MFSD11: variants seen among roughly 807,000 people sequenced by gnomAD.
MFSD11 encodes UNC93-like protein MFSD11.
A neutral mutation model predicts 53.5 loss-of-function variants in MFSD11; 36 were observed. The ratio of observed to expected loss-of-function variants is 0.67; its 90% CI spans 0.52 to 0.89. The LOEUF (loss-of-function observed/expected upper bound fraction) is 0.89, where lower values mean the gene tolerates loss of function less well. Ranked by LOEUF, MFSD11 falls within the 40% of genes least tolerant of loss-of-function variation. The pLI, the probability that MFSD11 is intolerant of heterozygous loss-of-function variation, is 0.00. For missense variants in MFSD11, 530 were observed against 543.9 expected, an observed-to-expected ratio of 0.97 and a Z score of 0.25; for synonymous variants, 186 against 184.9, an observed-to-expected ratio of 1.01 and a Z score of -0.05.
intron 5 of MFSD11, 136 bp from the exon 6 acceptor site, chr17:76,743,262 A>G: frequency 1.7e-6 from 1 of 577,852 alleles, no homozygotes; most frequent in Non-Finnish European, 2.9e-6. Flanking sequence ...TAAATGACCC[A>G]GGACAGGTAG....
intron 10 of MFSD11, among the ~76,000 whole-genome samples, chr17:76,771,367 G>A (rs914410053): frequency 1.3e-5 from 2 of 152,162 alleles, no homozygotes; most frequent in African/African-American, 2.4e-5. Context: ...TATGCTCCAC[G>A]AGTTATTCTT....
At position 76,776,282 on chromosome 17, in the gene MFSD11, CTTTA is replaced by C; in HGVS notation, c.1050-120_1050-117del. 1 of 1,041,548 alleles carries C rather than the reference CTTTA, an allele frequency of 9.6e-7. No homozygotes were observed. The highest frequency in any genetic ancestry group is 1.4e-6 in the Non-Finnish European group (1 of 730,326). 64.5% of individuals were successfully genotyped at this position (1,041,548 alleles called of 1,614,324 possible). ...GTGTGAGCCACCGCACCAGCTTTGT[CTTTA>C]TTTTTGTTTCATAGTGTTTACAACT... is the stretch of plus-strand genomic sequence containing the variant. On this transcript the variant is annotated intron_variant, in intron 11 of 12. Transcript: ENST00000685175. The surrounding 1 kb of genome is among the most constrained non-coding windows in gnomAD (Gnocchi z 4.2).
the MFSD11 span, among the ~76,000 whole-genome samples, chr17:76,788,502 A>G: frequency 6.7e-6 from 1 of 148,886 alleles, no homozygotes. Flanking sequence ...AGTAGCTGGG[A>G]TTACAGGTGC....
chr17:76,756,817 G>A lies in MFSD11; in HGVS notation c.682+2730G>A, dbSNP rs151077301. On this transcript the variant is annotated intron_variant, in intron 8 of 12. Coordinates refer to ENST00000685175, the MANE Select transcript of MFSD11 (RefSeq NM_001242532.5). ...GGAGGTTGCAGTGAGCCGAGATTGC[G>A]CCACTGCACTCCAGCCTGGGCGACA... Among the ~76,000 whole-genome samples the A allele has an allele frequency of 6.9e-3, 1,041 of 150,048 alleles. 13 individuals carry two copies. The highest frequency in any genetic ancestry group is 0.024 in the African/African-American group (989 of 40,700).
At chr17:76,759,863 C>T (rs1002825260) in intron 8 of MFSD11, among the ~76,000 whole-genome samples, 11 of 148,600 alleles carry the variant, frequency 7.4e-5, no homozygotes, top group Admixed American at 1.4e-4. Flanking sequence ...GATCCACCCA[C>T]CCGGCCTCCC....
At chr17:76,756,295 G>T (rs1047306105) in intron 8 of MFSD11, among the ~76,000 whole-genome samples, 1 of 149,254 alleles carries the variant, frequency 6.7e-6, no homozygotes, top group African/African-American at 2.5e-5. Flanking sequence ...GCTAATTTTT[G>T]CATTTTTTAG....
chr17:76,759,382 A>C (rs2079972362), intron 8 of MFSD11, among the ~76,000 whole-genome samples: 2 of 151,956 alleles, frequency 1.3e-5, no homozygotes. Flanking sequence ...TCCTGGGTTC[A>C]AGTGATTCTC....
At chr17:76,759,873 CA>C (rs2144612325) in intron 8 of MFSD11, among the ~76,000 whole-genome samples, 1 of 149,258 alleles carries the variant, frequency 6.7e-6, no homozygotes, top group East Asian at 2.0e-4. Context: ...CCCGGCCTCC[CA>C]AAGTGCTGGG....
At chr17:76,742,565 C>T (rs938119889) in intron 5 of MFSD11, among the ~76,000 whole-genome samples, 4 of 151,668 alleles carry the variant, frequency 2.6e-5, no homozygotes, top group Admixed American at 1.3e-4. Context: ...TGCAATGGCA[C>T]GATCTCGGCT....
At chr17:76,793,308 T>C in the MFSD11 span, among the ~76,000 whole-genome samples, 1,900 of 151,526 alleles carry the variant, frequency 0.013, 91 homozygotes, top group Admixed American at 0.065. Context: ...TTTAGAGGCC[T>C]ACCCTCAGGG....
intron 7 of MFSD11, among the ~76,000 whole-genome samples, chr17:76,748,267 T>G (rs1457547492): frequency 6.6e-6 from 1 of 151,996 alleles, no homozygotes; most frequent in Non-Finnish European, 1.5e-5. Flanking sequence ...TAAGCCAAGA[T>G]AGGAGGTTTG....
In MFSD11 at chr17:76,738,818, G is replaced by T. The variant is rs1443344819; in HGVS notation, c.97-120G>T. On this transcript the variant is annotated intron_variant, in intron 1 of 12. Coordinates refer to ENST00000685175, the MANE Select transcript of MFSD11 (RefSeq NM_001242532.5). ...TTTTCTTTTCTCATAATGGACTTCA[G>T]TATTAAGTACATTATGAACTTTTAC... The T allele has an allele frequency of 4.0e-6, 3 of 754,194 alleles. No individual in the cohort carries two copies. In the East Asian group the frequency reaches 7.7e-5, roughly 19 times the overall value. 46.7% of individuals were successfully genotyped at this position (754,194 alleles called of 1,614,324 possible). A position where few individuals can be genotyped will look rare whatever the true frequency, so the allele number is the denominator to read the frequency against.
rs752968317 is a variant in MFSD11, at chr17:76,776,523, C to T, written c.1167C>T (p.Ala389=). Residue 389 remains alanine, a synonymous_variant, in exon 12 of 13, where the codon GCC becomes GCT. Transcript: ENST00000685175. The surrounding 1 kb of genome is among the most constrained non-coding windows in gnomAD (Gnocchi z 4.2). The part of the protein sequence containing the change: ...LYSEDSAPAF[A]IFKFVQSICA... Reference sequence around the variant, plus strand: ...CTGAAGACAGCGCCCCAGCATTTGCCATCTTCAAGTTTGTTCAGGTAACCT... The same window carrying T: ...CTGAAGACAGCGCCCCAGCATTTGCTATCTTCAAGTTTGTTCAGGTAACCT... 4 of 1,613,950 alleles carry T rather than the reference C, an allele frequency of 2.5e-6. No individual in the cohort carries two copies. The highest frequency in any genetic ancestry group is 2.5e-6 in the Non-Finnish European group (3 of 1,179,996).
At chr17:76,738,534 G>A (rs2077725128) in intron 1 of MFSD11, 86 bp downstream of exon 1, 5 of 955,298 alleles carry the variant, frequency 5.2e-6, no homozygotes, top group Admixed American at 5.2e-5. Context: ...ATATCTAATA[G>A]CGCGCTTTAA....
the MFSD11 span, among the ~76,000 whole-genome samples, chr17:76,801,005 A>G: frequency 6.6e-6 from 1 of 151,510 alleles, no homozygotes; most frequent in Non-Finnish European, 1.5e-5. Context: ...TGAACCTGAG[A>G]GGCAGAGGTT....
rs752851481 is a variant in MFSD11, at chr17:76,776,338, G to T, written c.1050-68G>T. On this transcript the variant is annotated intron_variant, in intron 11 of 12. Transcript: ENST00000685175. This position sits in a 1 kb window ranked among gnomAD's most constrained non-coding sequence, Gnocchi z 4.2. ...GCAGGTAGAATTCTTTTGTGGGTGGGTTGCTTGTATATTTTAAATGGCTCT... is the reference window on the plus strand; with the variant it reads ...GCAGGTAGAATTCTTTTGTGGGTGGTTTGCTTGTATATTTTAAATGGCTCT... The T allele has an allele frequency of 5.2e-6, 8 of 1,524,932 alleles. No individual in the cohort carries two copies. The highest frequency in any genetic ancestry group is 6.2e-6 in the Non-Finnish European group (7 of 1,125,292). The allele number at this position is 1,524,932 out of a possible 1,614,324, so 94.5% of individuals were successfully genotyped here.
chr17:76,786,487 C>T, the MFSD11 span, among the ~76,000 whole-genome samples: 6 of 152,172 alleles, frequency 3.9e-5, no homozygotes, highest in African/African-American at 1.4e-4. Flanking sequence ...TCACAGGACT[C>T]AGCACGTGTT....
chr17:76,740,619 G>C (rs80350439), intron 2 of MFSD11, among the ~76,000 whole-genome samples: 3 of 151,954 alleles, frequency 2.0e-5, no homozygotes, highest in African/African-American at 4.8e-5. Flanking sequence ...TTTCACATGA[G>C]GATAATAACA....
chr17:76,755,243 A>G (rs2079448044), intron 8 of MFSD11, among the ~76,000 whole-genome samples: 2 of 152,012 alleles, frequency 1.3e-5, no homozygotes, highest in South Asian at 4.1e-4. Context: ...TAATTTACCC[A>G]AGATCAACCA....
Sources: allele counts gnomAD v4.1 joint callset (sites outside exome capture counted in the v4.1 genomes callset), GRCh38; gene constraint gnomAD v4.1.1; non-coding constraint Gnocchi (gnomAD v3.1); transcripts MANE v1.5; gene names NCBI Gene and HGNC (gene_info 2026-07-23, HGNC 2026-07-21).